The following NBAS variants were observed in gnomAD, a reference collection of about 807,000 sequenced individuals.
NBAS encodes the protein NBAS subunit of NRZ tethering complex.
A neutral mutation model predicts 302.5 loss-of-function variants in NBAS; 219 were observed. That is an observed-to-expected ratio of 0.72 (90% CI 0.65 to 0.81). The LOEUF is 0.81. Among genes scored for constraint, NBAS ranks in the 30% least tolerant of loss-of-function variants. The pLI, the probability that NBAS is intolerant of heterozygous loss-of-function variation, is 0.00. For missense variants in NBAS, 2,932 were observed against 2,841.6 expected (o/e 1.03, Z -0.72); for synonymous variants, 1,118 against 1,021.6 (o/e 1.09, Z -1.80).
chr2:14,915,915 C>T, the NBAS span, among the ~76,000 whole-genome samples: 2 of 152,094 alleles, frequency 1.3e-5, no homozygotes, highest in Non-Finnish European at 2.9e-5. Flanking sequence ...TTGCCTACTG[C>T]CATCTACATA....
At chr2:15,412,274 G>C (rs1031244610) in intron 25 of NBAS, among the ~76,000 whole-genome samples, 1 of 152,146 alleles carries the variant, frequency 6.6e-6, no homozygotes, top group East Asian at 1.9e-4. Context: ...ATGTGAAGAA[G>C]TAACCTAAGC....
chr2:15,446,285 T>C (rs1450862636), intron 21 of NBAS, among the ~76,000 whole-genome samples: 1 of 151,832 alleles, frequency 6.6e-6, no homozygotes, highest in Non-Finnish European at 1.5e-5. Flanking sequence ...TAGTTATAAA[T>C]AAAATCTTAA....
At chr2:14,822,180 G>A in the NBAS span, among the ~76,000 whole-genome samples, 2 of 152,160 alleles carry the variant, frequency 1.3e-5, no homozygotes, top group Non-Finnish European at 2.9e-5. Flanking sequence ...TGAAATACAA[G>A]GACAAGCTGG....
chr2:14,783,870 G>C, the NBAS span, among the ~76,000 whole-genome samples: 2 of 150,306 alleles, frequency 1.3e-5, no homozygotes, highest in East Asian at 3.9e-4. Context: ...GGTATTTCTA[G>C]TTCTAGATCC....
At chr2:14,783,119 A>T in the NBAS span, among the ~76,000 whole-genome samples, 361 of 152,232 alleles carry the variant, frequency 2.4e-3, 3 homozygotes, top group African/African-American at 7.7e-3. Flanking sequence ...TAAAAGTCAA[A>T]AAATAAAGAC....
the NBAS span, among the ~76,000 whole-genome samples, chr2:14,781,236 CATT>C: frequency 1.1e-4 from 16 of 152,304 alleles, no homozygotes; most frequent in South Asian, 1.0e-3. Flanking sequence ...ACATCAATAA[CATT>C]GAAGACTCTG....
intron 11 of NBAS, among the ~76,000 whole-genome samples, chr2:15,490,816 G>A (rs985527161): frequency 6.6e-6 from 1 of 152,136 alleles, no homozygotes; most frequent in East Asian, 1.9e-4. Flanking sequence ...TAGTAGTCAC[G>A]AGCATGCCCC....
At chr2:14,991,456 G>A in the NBAS span, among the ~76,000 whole-genome samples, 1 of 152,158 alleles carries the variant, frequency 6.6e-6, no homozygotes, top group Non-Finnish European at 1.5e-5. Context: ...CTTCTTCCCA[G>A]TGTTGCAGGG....
Position 15,321,412 on chromosome 2 carries a change from A to T in NBAS, c.4582+6338T>A, listed in dbSNP as rs1484586887. Among the ~76,000 whole-genome samples, 5 of 152,196 alleles carry T rather than the reference A, an allele frequency of 3.3e-5. No individual in the cohort carries two copies. The East Asian group carries it at 9.6e-4, about 29-fold the overall frequency. The stretch of plus-strand genomic sequence containing the variant: ...AGACAAAGGGGATCTAATTAAACTA[A>T]AGACCTTCTGCATGGCAAAAGAAAC... On this transcript the variant is annotated intron_variant, in intron 38 of 51. Transcript: ENST00000281513.
At chr2:14,896,261 C>A in the NBAS span, among the ~76,000 whole-genome samples, 1 of 151,952 alleles carries the variant, frequency 6.6e-6, no homozygotes, top group African/African-American at 2.4e-5. Flanking sequence ...TATTAGAGGC[C>A]TTTCTTCAGC....
At chr2:15,430,837 C>T (rs1030101241) in intron 21 of NBAS, among the ~76,000 whole-genome samples, 8 of 151,900 alleles carry the variant, frequency 5.3e-5, no homozygotes, top group African/African-American at 1.9e-4. Context: ...GATGGAGTCT[C>T]GCTCGGTCGC....
At chr2:15,230,098 G>A (rs1018472993) in intron 47 of NBAS, among the ~76,000 whole-genome samples, 2 of 152,142 alleles carry the variant, frequency 1.3e-5, no homozygotes, top group Admixed American at 6.5e-5. Context: ...ACAAGAGAAA[G>A]GGTGAGGGGC....
At chr2:15,301,877 T>G (rs902835034) in intron 40 of NBAS, among the ~76,000 whole-genome samples, 1 of 151,980 alleles carries the variant, frequency 6.6e-6, no homozygotes, top group Non-Finnish European at 1.5e-5. Flanking sequence ...CATGGAAGGA[T>G]GAAGTTGGAA....
At chr2:14,870,231 G>T in the NBAS span, among the ~76,000 whole-genome samples, 1 of 152,112 alleles carries the variant, frequency 6.6e-6, no homozygotes. Flanking sequence ...TAGATTTCAG[G>T]GAGGCCAAAG....
chr2:15,059,263 T>C, the NBAS span, among the ~76,000 whole-genome samples: 2,667 of 152,300 alleles, frequency 0.018, 74 homozygotes, highest in African/African-American at 0.058. Flanking sequence ...CACCTTACTG[T>C]CTCATAGCCT....
chr2:14,861,027 C>T, the NBAS span, among the ~76,000 whole-genome samples: 1 of 152,170 alleles, frequency 6.6e-6, no homozygotes, highest in East Asian at 1.9e-4. Context: ...ATTTAAAAGG[C>T]CATATGCAAG....
intron 50 of NBAS, among the ~76,000 whole-genome samples, chr2:15,181,660 C>T (rs963377975): frequency 3.3e-5 from 5 of 152,200 alleles, no homozygotes; most frequent in African/African-American, 1.2e-4. Flanking sequence ...TAGGTGGGCC[C>T]AGGCTTAGAG....
chr2:15,019,797 TATG>T, the NBAS span, among the ~76,000 whole-genome samples: 3 of 152,040 alleles, frequency 2.0e-5, no homozygotes, highest in African/African-American at 4.8e-5. Context: ...CCTTCCACCA[TATG>T]ATGATAGGAG....
the NBAS span, among the ~76,000 whole-genome samples, chr2:14,824,223 T>C: frequency 1.3e-5 from 2 of 152,200 alleles, no homozygotes; most frequent in Non-Finnish European, 2.9e-5. Flanking sequence ...GATTTGTTGA[T>C]TTCAGACTGT....
Sources: allele counts gnomAD v4.1 joint callset (sites outside exome capture counted in the v4.1 genomes callset), GRCh38; gene constraint gnomAD v4.1.1; transcripts MANE v1.5; gene names NCBI Gene and HGNC (gene_info 2026-07-23, HGNC 2026-07-21).